ADGB: variants seen among roughly 807,000 people sequenced by gnomAD.
ADGB encodes the protein androglobin.
Under a neutral mutation model 210.5 loss-of-function variants are expected in ADGB, and 172 were observed. The observed-to-expected ratio is 0.82, with a 90% confidence interval of 0.72 to 0.93. ADGB has a LOEUF of 0.93. ADGB is among the 40% of genes least tolerant of loss of function. ADGB has a pLI of 0.00. For missense variants in ADGB, 2,025 were observed against 1,964.8 expected (o/e 1.03, Z -0.58); for synonymous variants, 658 against 662.7 (o/e 0.99, Z 0.11).
chr6:146,644,203 C>T (rs144319745), intron 2 of ADGB, among the ~76,000 whole-genome samples: 13 of 151,646 alleles, frequency 8.6e-5, no homozygotes, highest in East Asian at 7.8e-4. Context: ...TGGAGAAATT[C>T]GGTAAATGGC....
chr6:146,613,043 T>C (rs774130257), intron 1 of ADGB, among the ~76,000 whole-genome samples: 3 of 152,244 alleles, frequency 2.0e-5, no homozygotes, highest in Non-Finnish European at 2.9e-5. Context: ...ATAAAGTACT[T>C]TGTTTTAAAC....
Position 146,641,385 on chromosome 6 carries a change from CT to C in ADGB, c.238-3387del, listed in dbSNP as rs1229794339. 8.6e-5 allele frequency among the ~76,000 whole-genome samples: 13 copies of C among 151,228 alleles called. No individual in the cohort carries two copies. The East Asian group carries it at 2.5e-3, about 29-fold the overall frequency. ...ACTACCAATGACATTCTTCACAGAA[CT>C]AGAAAAAACTATTTTAAACTTCATG... On this transcript the variant is annotated intron_variant, in intron 2 of 35. Transcript: ENST00000397944.
At chr6:146,787,794 T>A (rs1411808992) in intron 32 of ADGB, among the ~76,000 whole-genome samples, 1 of 152,160 alleles carries the variant, frequency 6.6e-6, no homozygotes, top group African/African-American at 2.4e-5. Flanking sequence ...GAACATAACA[T>A]GAATTTGGTC....
intron 13 of ADGB, among the ~76,000 whole-genome samples, chr6:146,711,160 A>G (rs1776651366): frequency 1.3e-5 from 2 of 152,192 alleles, no homozygotes; most frequent in Non-Finnish European, 2.9e-5. Flanking sequence ...CCTGTTTTGT[A>G]AGGATTATTA....
chr6:146,755,336 A>G (rs1197229256), intron 27 of ADGB, among the ~76,000 whole-genome samples: 1 of 152,104 alleles, frequency 6.6e-6, no homozygotes, highest in African/African-American at 2.4e-5. Flanking sequence ...ATCTTGATTT[A>G]TAATCCAAAT....
chr6:146,698,437 A>G (rs915734858), intron 12 of ADGB, among the ~76,000 whole-genome samples: 5 of 152,156 alleles, frequency 3.3e-5, no homozygotes, highest in Non-Finnish European at 7.3e-5. Context: ...CTACTTTTAG[A>G]TACTCTTTAC....
chr6:146,725,302 A>G (rs999917250), intron 18 of ADGB: 1 of 152,238 alleles, frequency 6.6e-6, no homozygotes, highest in African/African-American at 2.4e-5. Flanking sequence ...TGCAGTCCCC[A>G]ACTCCAGAGC....
chr6:146,811,545 GCAAA>G (rs1778303027), intron 35 of ADGB, among the ~76,000 whole-genome samples: 2 of 151,796 alleles, frequency 1.3e-5, no homozygotes, highest in South Asian at 4.2e-4. Context: ...AAAAATCATT[GCAAA>G]CAATTTGTCA....
chr6:146,723,122 A>G (rs775661293), intron 17 of ADGB, among the ~76,000 whole-genome samples: 2 of 152,138 alleles, frequency 1.3e-5, no homozygotes, highest in Non-Finnish European at 2.9e-5. Flanking sequence ...GCTAGAAAAT[A>G]CTTGTTGTAT....
Position 146,634,597 on chromosome 6 carries a change from C to G in ADGB, c.75-778C>G, listed in dbSNP as rs1220438062. On this transcript the variant is annotated intron_variant, in intron 1 of 35. Transcript: ENST00000397944. ...GTTTAGCAATATGGGAATTGTAATA[C>G]ACATATATTTAAAGTAGGAAACAAG... Among the ~76,000 whole-genome samples, 3 of 151,974 alleles carry G rather than the reference C, an allele frequency of 2.0e-5. No homozygotes were observed. In the East Asian group the frequency reaches 5.8e-4, roughly 29 times the overall value.
chr6:146,680,575 G>A (rs1026865380), intron 9 of ADGB, among the ~76,000 whole-genome samples: 1 of 152,100 alleles, frequency 6.6e-6, no homozygotes, highest in Non-Finnish European at 1.5e-5. Flanking sequence ...GAGGAAACCT[G>A]GAGATCTCCC....
intron 14 of ADGB, 58 bp from the exon 15 acceptor site, chr6:146,716,825 T>C (rs1360411040): frequency 1.8e-5 from 26 of 1,411,182 alleles, no homozygotes; most frequent in Non-Finnish European, 2.4e-5. Flanking sequence ...TCATTTTACA[T>C]ATTTCAATAA....
chr6:146,697,331 G>A (rs1037523552), intron 12 of ADGB, among the ~76,000 whole-genome samples: 13 of 152,220 alleles, frequency 8.5e-5, no homozygotes, highest in African/African-American at 2.9e-4. Flanking sequence ...GCAATAGGTG[G>A]CTAATACATG....
chr6:146,810,312 G>A (rs919847903), intron 35 of ADGB, among the ~76,000 whole-genome samples: 1 of 152,144 alleles, frequency 6.6e-6, no homozygotes, highest in Non-Finnish European at 1.5e-5. Flanking sequence ...ATAAGTGTTG[G>A]GGAGGGTGTG....
intron 19 of ADGB, among the ~76,000 whole-genome samples, chr6:146,727,184 A>AAC (rs1776907259): frequency 6.6e-6 from 1 of 151,940 alleles, no homozygotes; most frequent in Non-Finnish European, 1.5e-5. Flanking sequence ...TACCAAAAAA[A>AAC]AAAAAAAATT....
intron 35 of ADGB, among the ~76,000 whole-genome samples, chr6:146,808,507 C>A (rs867668272): frequency 6.6e-6 from 1 of 152,110 alleles, no homozygotes; most frequent in Non-Finnish European, 1.5e-5. Flanking sequence ...AGTTGTTATA[C>A]CCTAGTCTTA....
chr6:146,764,725 A>G (rs1172000318), intron 28 of ADGB, among the ~76,000 whole-genome samples: 1 of 152,236 alleles, frequency 6.6e-6, no homozygotes, highest in Non-Finnish European at 1.5e-5. Context: ...TGCTGTAGAA[A>G]GTTTCATGAT....
intron 19 of ADGB, among the ~76,000 whole-genome samples, chr6:146,728,146 G>A (rs1213374173): frequency 6.6e-6 from 1 of 152,086 alleles, no homozygotes; most frequent in African/African-American, 2.4e-5. Flanking sequence ...CTTGCTTTAT[G>A]ATTTTTTTTA....
rs922074737 is a variant in ADGB, at chr6:146,784,538, A to G, written c.4036-80A>G. On this transcript the variant is annotated intron_variant, in intron 30 of 35. Coordinates refer to ENST00000397944, the MANE Select transcript of ADGB (RefSeq NM_024694.4). ...ATCTCTAGTAAATACCTAATAGTGA[A>G]ATTATGTATCATATGGTAAAATCTA... The G allele has an allele frequency of 9.0e-6, 10 of 1,105,850 alleles. No individual in the cohort carries two copies. The African/African-American group carries it at 1.6e-4, about 18-fold the overall frequency. 68.5% of individuals were successfully genotyped at this position (1,105,850 alleles called of 1,614,324 possible). A position where few individuals can be genotyped will look rare whatever the true frequency, so the allele number is the denominator to read the frequency against.
Sources: gnomAD v4.1 joint callset for allele counts (sites outside exome capture counted in the v4.1 genomes callset) on GRCh38, gnomAD v4.1.1 for gene constraint, MANE v1.5 for transcripts, NCBI Gene and HGNC (gene_info 2026-07-23, HGNC 2026-07-21) for gene names.